PAPPA2: variants seen among roughly 807,000 people sequenced by gnomAD.
The protein encoded by PAPPA2 is pappalysin-2.
In PAPPA2, 86 loss-of-function variants were observed where a neutral mutation model predicts 176.4. That is an observed-to-expected ratio of 0.49 (90% CI 0.41 to 0.58). The LOEUF is 0.58. PAPPA2 is among the 20% of genes least tolerant of loss of function. The pLI, the probability that PAPPA2 is intolerant of heterozygous loss-of-function variation, is 0.00. For missense variants in PAPPA2, 2,073 were observed against 2,256.9 expected, an observed-to-expected ratio of 0.92 and a Z score of 1.65; for synonymous variants, 809 against 852.2, an observed-to-expected ratio of 0.95 and a Z score of 0.88.
At chr1:176,621,379 A>G (rs544673426) in intron 3 of PAPPA2, among the ~76,000 whole-genome samples, 94 of 152,304 alleles carry the variant, frequency 6.2e-4, no homozygotes, top group Admixed American at 1.6e-3. Flanking sequence ...ACAGTGATAG[A>G]CAAACGGGGG....
At chr1:176,501,964 T>C (rs1384396640) in intron 1 of PAPPA2, among the ~76,000 whole-genome samples, 1 of 152,172 alleles carries the variant, frequency 6.6e-6, no homozygotes, top group African/African-American at 2.4e-5. Context: ...CAATCTCTTA[T>C]GGAATACATG....
chr1:176,584,968 G>C (rs1653220645), intron 2 of PAPPA2, among the ~76,000 whole-genome samples: 1 of 152,110 alleles, frequency 6.6e-6, no homozygotes, highest in Non-Finnish European at 1.5e-5. Context: ...TTAAACTCCT[G>C]ACCTTGTAAT....
At chr1:176,783,564 G>A (rs552503301) in intron 17 of PAPPA2, among the ~76,000 whole-genome samples, 7 of 152,284 alleles carry the variant, frequency 4.6e-5, no homozygotes, top group African/African-American at 1.7e-4. Context: ...ATTGGGAAAC[G>A]CACCTTCTAA....
intron 20 of PAPPA2, among the ~76,000 whole-genome samples, chr1:176,796,119 C>T (rs139588677): frequency 1.7e-3 from 253 of 152,266 alleles, no homozygotes; most frequent in African/African-American, 5.9e-3. Context: ...TGTAACAGCT[C>T]CAGTGACACT....
intron 12 of PAPPA2, among the ~76,000 whole-genome samples, chr1:176,726,964 T>C (rs1338874277): frequency 6.6e-6 from 1 of 152,196 alleles, no homozygotes; most frequent in Non-Finnish European, 1.5e-5. Flanking sequence ...AGAGTAGTAC[T>C]TCTGTAAGGT....
chr1:176,738,581 C>G (rs1662526251), intron 12 of PAPPA2, among the ~76,000 whole-genome samples: 1 of 152,110 alleles, frequency 6.6e-6, no homozygotes, highest in South Asian at 2.1e-4. Flanking sequence ...ACCCTTAGAA[C>G]CTGATAAAAA....
intron 2 of PAPPA2, among the ~76,000 whole-genome samples, chr1:176,586,495 A>C (rs1053736756): frequency 2.0e-5 from 3 of 151,924 alleles, no homozygotes; most frequent in African/African-American, 7.3e-5. Flanking sequence ...CTCTGTGTCC[A>C]TGTGTTCTCA....
rs1558479219 is a variant in PAPPA2 at position 176,623,656 on chromosome 1, T to TTTCTTTCTTTCTTTCTTTCC, written c.1991+28075_1991+28076insCTTTCCTTCTTTCTTTCTTT. 1.4e-3 allele frequency among the ~76,000 whole-genome samples: 182 copies of TTTCTTTCTTTCTTTCTTTCC among 128,892 alleles called. 2 individuals carry two copies. Among genetic ancestry groups the TTTCTTTCTTTCTTTCTTTCC allele is most frequent in the Non-Finnish European group, 2.3e-3 (137 of 59,140 alleles). 84.6% of individuals were successfully genotyped at this position (128,892 alleles called of 152,430 possible). ...CTTTCTTTCTTTCTTTCTTTCTTTC[T>TTTCTTTCTTTCTTTCTTTCC]TTCTTTCTTTCTTTTTCTTTCTTTC... On this transcript the variant is annotated intron_variant, in intron 3 of 22. Coordinates refer to ENST00000367662, the MANE Select transcript of PAPPA2 (RefSeq NM_020318.3).
At chr1:176,524,338 G>A (rs978877613) in intron 1 of PAPPA2, among the ~76,000 whole-genome samples, 7 of 152,302 alleles carry the variant, frequency 4.6e-5, no homozygotes, top group African/African-American at 1.4e-4. Context: ...CTGGAATCTG[G>A]CTGCTCTGTT....
chr1:176,842,520 G>A lies in PAPPA2; in HGVS notation c.*66G>A. On this transcript the variant is annotated 3_prime_UTR_variant, in exon 23 of 23. Coordinates refer to ENST00000367662, the MANE Select transcript of PAPPA2 (RefSeq NM_020318.3). ...TAAGAAAGAGAGGCCGACCCAGGAGGAAACAAAGGGTGAATGAAGAAGAAC... is the reference window on the plus strand; with the variant it reads ...TAAGAAAGAGAGGCCGACCCAGGAGAAAACAAAGGGTGAATGAAGAAGAAC... 3 of 1,365,194 alleles carry A rather than the reference G, an allele frequency of 2.2e-6. No individual in the cohort carries two copies. The highest frequency in any genetic ancestry group is 3.1e-6 in the Non-Finnish European group (3 of 962,766). The allele number at this position is 1,365,194 out of a possible 1,614,324, so 84.6% of individuals were successfully genotyped here.
At chr1:176,537,030 A>G (rs1650100377) in intron 1 of PAPPA2, among the ~76,000 whole-genome samples, 1 of 152,216 alleles carries the variant, frequency 6.6e-6, no homozygotes, top group African/African-American at 2.4e-5. Context: ...AACCTTAGTT[A>G]TTTAATTCCA....
Position 176,844,746 on chromosome 1 carries a change from A to G in PAPPA2, c.*2292A>G, listed in dbSNP as rs1667604027. ...AGACACATTCTAAGTTCTGCCTTGG[A>G]GAATCCTACTTTGTCTGAGATTGAG... On this transcript the variant is annotated 3_prime_UTR_variant, in exon 23 of 23. Coordinates refer to ENST00000367662, the MANE Select transcript of PAPPA2 (RefSeq NM_020318.3). 1 of 152,142 alleles carries G rather than the reference A, an allele frequency of 6.6e-6. No homozygotes were observed. The highest frequency in any genetic ancestry group is 2.1e-4 in the South Asian group (1 of 4,822). 9.4% of individuals were successfully genotyped at this position (152,142 alleles called of 1,614,324 possible). A position where few individuals can be genotyped will look rare whatever the true frequency, so the allele number is the denominator to read the frequency against.
At chr1:176,682,269 G>A (rs185798534) in intron 4 of PAPPA2, among the ~76,000 whole-genome samples, 2 of 152,306 alleles carry the variant, frequency 1.3e-5, no homozygotes, top group Admixed American at 1.3e-4. Flanking sequence ...AGAAGGTGAA[G>A]AGGGGGATGT....
intron 14 of PAPPA2, among the ~76,000 whole-genome samples, chr1:176,743,520 A>C (rs570202726): frequency 1.3e-5 from 2 of 152,190 alleles, no homozygotes; most frequent in South Asian, 2.1e-4. Context: ...CTTTAGGGAT[A>C]GGTTCTGCAC....
At chr1:176,566,282 G>C (rs1651974273) in intron 2 of PAPPA2, among the ~76,000 whole-genome samples, 2 of 152,136 alleles carry the variant, frequency 1.3e-5, no homozygotes, top group African/African-American at 4.8e-5. Flanking sequence ...GGTGGGGGAA[G>C]GAGAATCACT....
intron 20 of PAPPA2, among the ~76,000 whole-genome samples, chr1:176,797,009 C>G (rs552309618): frequency 1.3e-5 from 2 of 152,132 alleles, no homozygotes; most frequent in East Asian, 3.9e-4. Context: ...TTCTCTTAAA[C>G]TTTTTTTATG....
intron 11 of PAPPA2, among the ~76,000 whole-genome samples, chr1:176,711,507 TTCA>T (rs1469021270): frequency 1.3e-5 from 2 of 152,156 alleles, no homozygotes; most frequent in Non-Finnish European, 2.9e-5. Context: ...TGGTAAGGGC[TTCA>T]TCATCACCCC....
intron 17 of PAPPA2, among the ~76,000 whole-genome samples, chr1:176,788,272 G>C (rs1665029069): frequency 6.6e-6 from 1 of 152,128 alleles, no homozygotes; most frequent in Admixed American, 6.5e-5. Context: ...ATAGCCTCTG[G>C]CTTCTGGAAG....
chr1:176,463,898 G>A (rs191030795), intron 1 of PAPPA2, among the ~76,000 whole-genome samples: 98 of 152,298 alleles, frequency 6.4e-4, no homozygotes, highest in African/African-American at 2.2e-3. Flanking sequence ...ATGAGTGTGT[G>A]TGGGGTGCAG....
Sources: allele counts gnomAD v4.1 joint callset (sites outside exome capture counted in the v4.1 genomes callset), GRCh38; gene constraint gnomAD v4.1.1; transcripts MANE v1.5; gene names NCBI Gene and HGNC (gene_info 2026-07-23, HGNC 2026-07-21).